Variants in UBR4 observed in about 807,000 individuals in gnomAD.
UBR4 encodes ubiquitin protein ligase E3 component n-recognin 4.
UBR4 carries 124 observed loss-of-function variants against 575.6 expected under a neutral mutation model. That is an observed-to-expected ratio of 0.22 (90% CI 0.19 to 0.25). UBR4 has a LOEUF of 0.25. Ranked by LOEUF, UBR4 falls within the 10% of genes least tolerant of loss-of-function variation. The pLI is 1.00. For synonymous variants in UBR4, 2,455 were observed against 2,473.7 expected, an observed-to-expected ratio of 0.99 and a Z score of 0.22; for missense variants, 4,818 against 6,478.8, an observed-to-expected ratio of 0.74 and a Z score of 8.80.
At position 19,097,187 on chromosome 1, in the gene UBR4, A is replaced by T; in HGVS notation, c.13390+6T>A. ...CTCAGATCCAATGTGCAGTGCCATG[A>T]TCTACCTGTAGTAGAGTCCAGGGAC... On this transcript the variant is annotated splice_donor_region_variant and intron_variant, in intron 91 of 105. Coordinates refer to ENST00000375254, the MANE Select transcript of UBR4 (RefSeq NM_020765.3). The T allele has an allele frequency of 6.2e-7, 1 of 1,609,952 alleles. No homozygotes were observed. The highest frequency in any genetic ancestry group is 1.1e-5 in the South Asian group (1 of 90,446).
rs1197298035 is a variant in UBR4, at chr1:19,152,993, G to A, written c.6832+308C>T. On this transcript the variant is annotated intron_variant, in intron 46 of 105. Coordinates refer to ENST00000375254, the MANE Select transcript of UBR4 (RefSeq NM_020765.3). This position sits in a 1 kb window ranked among gnomAD's most constrained non-coding sequence, Gnocchi z 4.4. Reference sequence around the variant, plus strand: ...CTACTCAGTGGGAAATTAACCAGCTGAAGAGGTCTATACTTCAATCAGTTC... The same window carrying A: ...CTACTCAGTGGGAAATTAACCAGCTAAAGAGGTCTATACTTCAATCAGTTC... 6.6e-6 allele frequency among the ~76,000 whole-genome samples: 1 copy of A among 152,204 alleles called. No individual in the cohort carries two copies. The highest frequency in any genetic ancestry group is 1.5e-5 in the Non-Finnish European group (1 of 68,032).
In UBR4 at chr1:19,086,072, G is replaced by A. The variant is rs74056749; in HGVS notation, c.14813+73C>T. The A allele has an allele frequency of 1.9e-3, 2,931 of 1,562,150 alleles. 43 individuals carry two copies. The African/African-American group carries it at 0.035, about 19-fold the overall frequency. On this transcript the variant is annotated intron_variant, in intron 101 of 105. Transcript: ENST00000375254. ...CAGGAAATGGTGTCACCAGGGGATTGGGCTGATAGCGGGTCTTGTCCCATC... is the reference window on the plus strand; with the variant it reads ...CAGGAAATGGTGTCACCAGGGGATTAGGCTGATAGCGGGTCTTGTCCCATC...
chr1:19,166,842 G>A (rs1193027811), intron 29 of UBR4, among the ~76,000 whole-genome samples, 180 bp downstream of exon 29: 1 of 150,758 alleles, frequency 6.6e-6, no homozygotes. Flanking sequence ...GGAGGCAGAG[G>A]TTGCAGTGAC....
chr1:19,094,858 A>G, intron 94 of UBR4, 48 bp downstream of exon 94: 4 of 1,604,646 alleles, frequency 2.5e-6, no homozygotes, highest in Non-Finnish European at 2.6e-6. Flanking sequence ...GCAATGAGAC[A>G]GTGCAGGCTC....
intron 15 of UBR4, among the ~76,000 whole-genome samples, chr1:19,184,542 C>T (rs1044604769): frequency 2.2e-4 from 34 of 152,174 alleles, no homozygotes; most frequent in African/African-American, 8.2e-4. Flanking sequence ...GATTATTACA[C>T]ATATATAGAA....
intron 42 of UBR4, among the ~76,000 whole-genome samples, 198 bp from the exon 43 acceptor site, chr1:19,155,866 A>AATT (rs2086369240): frequency 1.3e-5 from 2 of 152,330 alleles, no homozygotes; most frequent in South Asian, 4.1e-4. Context: ...TGAGTAGGGG[A>AATT]CAGACATACA....
rs1175796277 is a variant in UBR4, at chr1:19,172,917, C to A, written c.3468G>T (p.Lys1156Asn). 1 of 1,614,170 alleles carries A rather than the reference C, an allele frequency of 6.2e-7. No homozygotes were observed. The highest frequency in any genetic ancestry group is 1.1e-5 in the South Asian group (1 of 91,084). Reference protein sequence around the residue: ...TDPHKSSEITKNLLPATLQLI... With the variant: ...TDPHKSSEITNNLLPATLQLI... ...GTTGCAGCGTGGCTGGAAGTAGGTT[C>A]TTGGTAATCTCAGACGACTTATGAG... Residue 1156 changes from lysine (K) to asparagine (N), a missense_variant, in exon 25 of 106, where the codon AAG becomes AAT. Transcript: ENST00000375254.
At chr1:19,111,772 C>T (rs1570612854) in intron 78 of UBR4, 1 of 152,346 alleles carries the variant, frequency 6.6e-6, no homozygotes, top group East Asian at 1.9e-4. Flanking sequence ...AGGCATGCAC[C>T]ACTACACCTG....
chr1:19,142,574 T>A (rs1360985754), intron 55 of UBR4, among the ~76,000 whole-genome samples: 1 of 152,248 alleles, frequency 6.6e-6, no homozygotes, highest in Non-Finnish European at 1.5e-5. Context: ...CACAAAGTTG[T>A]GTACAATCCT....
At chr1:19,193,840 A>C (rs2092285209) in intron 8 of UBR4, among the ~76,000 whole-genome samples, 1 of 152,224 alleles carries the variant, frequency 6.6e-6, no homozygotes, top group Admixed American at 6.5e-5. Context: ...GTATATCCAT[A>C]CAATGGAATA....
intron 29 of UBR4, among the ~76,000 whole-genome samples, chr1:19,166,307 G>A (rs1396792577): frequency 1.3e-5 from 2 of 152,160 alleles, no homozygotes; most frequent in Non-Finnish European, 2.9e-5. Flanking sequence ...TATGCTGTGG[G>A]ACCGCCCATT....
rs2089458723 is a variant in UBR4, at chr1:19,171,031, A to G, written c.3522-148T>C. The G allele has an allele frequency of 6.2e-6, 7 of 1,128,204 alleles. No homozygotes were observed. In the Admixed American group the frequency reaches 1.9e-4, roughly 30 times the overall value. 69.9% of individuals were successfully genotyped at this position (1,128,204 alleles called of 1,614,324 possible). On this transcript the variant is annotated intron_variant, in intron 25 of 105. Transcript: ENST00000375254. ...AGTGCCTGCCCCTTCCTGGTCTCTAAGAATTCCAATGGGTAATCATTTCCC... is the reference window on the plus strand; with the variant it reads ...AGTGCCTGCCCCTTCCTGGTCTCTAGGAATTCCAATGGGTAATCATTTCCC...
Position 19,165,741 on chromosome 1 carries a change from T to C in UBR4, c.4126A>G (p.Ile1376Val). Residue 1376 changes from isoleucine (I) to valine (V), a missense_variant, in exon 30 of 106, where the codon ATC (isoleucine) becomes GTC (valine). Coordinates refer to ENST00000375254, the MANE Select transcript of UBR4 (RefSeq NM_020765.3). ...AAGTACTGGAGACATTCCTCCAGGA[T>C]GGATTCATCCAGTCCACTGAGGATC... ...ADPNSGLDESILEECLQYLEK... is the reference protein window; with the variant it reads ...ADPNSGLDESVLEECLQYLEK... The C allele has an allele frequency of 6.2e-7, 1 of 1,614,086 alleles. No individual in the cohort carries two copies. The highest frequency in any genetic ancestry group is 1.1e-5 in the South Asian group (1 of 91,072).
In UBR4 at chr1:19,145,542, C is replaced by CACACACACACACACACAG. The variant is rs2084747352; in HGVS notation, c.7945+250_7945+251insCTGTGTGTGTGTGTGTGT. Among the ~76,000 whole-genome samples, 3 of 150,598 alleles carry CACACACACACACACACAG rather than the reference C, an allele frequency of 2.0e-5. No homozygotes were observed. In the East Asian group the frequency reaches 5.8e-4, roughly 29 times the overall value. On this transcript the variant is annotated intron_variant, in intron 53 of 105. Transcript: ENST00000375254. Reference sequence around the variant, plus strand: ...ACACACACACACACACACACACACACAGTGCCTCTTTATGTAAAATATTCA... The same window carrying CACACACACACACACACAG: ...ACACACACACACACACACACACACACACACACACACACACACAGAGTGCCTCTTTATGTAAAATATTCA...
At chr1:19,176,428 G>A (rs2090273351) in intron 20 of UBR4, among the ~76,000 whole-genome samples, 164 bp downstream of exon 20, 1 of 152,156 alleles carries the variant, frequency 6.6e-6, no homozygotes, top group South Asian at 2.1e-4. Context: ...TAGGCTATGT[G>A]GGAGTCCATT....
intron 55 of UBR4, among the ~76,000 whole-genome samples, chr1:19,143,217 AG>A (rs1403660992): frequency 4.2e-4 from 44 of 105,862 alleles, no homozygotes; most frequent in Admixed American, 1.4e-3. Flanking sequence ...AAGGAAAGAA[AG>A]GAAGGAAGGA....
rs551781066 is a variant in UBR4 at position 19,082,196 on chromosome 1, T to C, written c.15009-623A>G. 109 of 194,522 alleles carry C rather than the reference T, an allele frequency of 5.6e-4. 1 individual carries two copies. The South Asian group carries it at 0.011, about 20-fold the overall frequency. 12.0% of individuals were successfully genotyped at this position (194,522 alleles called of 1,614,324 possible). ...CGCTGCTTCTTGTCCTCATGCGTCC[T>C]AAGTTGCAATGATGATGATGATGAT... On this transcript the variant is annotated intron_variant, in intron 102 of 105. Transcript: ENST00000375254.
intron 105 of UBR4, among the ~76,000 whole-genome samples, chr1:19,076,321 A>G (rs1038311208): frequency 1.3e-5 from 2 of 152,138 alleles, no homozygotes; most frequent in Non-Finnish European, 2.9e-5. Flanking sequence ...GGGCATTCCA[A>G]TTTGCATGTT....
intron 60 of UBR4, among the ~76,000 whole-genome samples, chr1:19,135,314 A>T (rs886910172): frequency 1.3e-5 from 2 of 152,202 alleles, no homozygotes; most frequent in African/African-American, 4.8e-5. Flanking sequence ...TAATTACCAT[A>T]GCTTTATAAT....
Sources: allele counts gnomAD v4.1 joint callset (sites outside exome capture counted in the v4.1 genomes callset), GRCh38; gene constraint gnomAD v4.1.1; non-coding constraint Gnocchi (gnomAD v3.1); transcripts MANE v1.5; gene names NCBI Gene and HGNC (gene_info 2026-07-23, HGNC 2026-07-21).